Variants in PALM2AKAP2 observed in about 807,000 individuals in gnomAD.
The protein encoded by PALM2AKAP2 is PALM2 and AKAP2 fusion, also known as PALM2-AKAP2 fusion protein.
In PALM2AKAP2, 37 loss-of-function variants were observed where a neutral mutation model predicts 71.5. That is an observed-to-expected ratio of 0.52 (90% CI 0.40 to 0.68). The LOEUF is 0.68. PALM2AKAP2 is among the 30% of genes least tolerant of loss of function. The probability of loss-of-function intolerance (pLI) is 0.00; values close to 1 mark genes in which losing one functional copy is unlikely to be tolerated. For synonymous variants in PALM2AKAP2, 468 were observed against 478.8 expected (o/e 0.98, Z 0.29); for missense variants, 1,224 against 1,191.8 (o/e 1.03, Z -0.40).
intron 1 of PALM2AKAP2, among the ~76,000 whole-genome samples, chr9:109,854,500 T>C (rs1009153721): frequency 2.4e-4 from 37 of 152,136 alleles, no homozygotes; most frequent in Admixed American, 1.5e-3. Context: ...GTATATTACA[T>C]TTTCCATGTT....
chr9:109,745,357 T>A (rs942647903), intron 1 of PALM2AKAP2, among the ~76,000 whole-genome samples: 1 of 151,172 alleles, frequency 6.6e-6, no homozygotes, highest in African/African-American at 2.4e-5. Context: ...GTCTCAAAAA[T>A]AAAAAAAAAT....
intron 3 of PALM2AKAP2, among the ~76,000 whole-genome samples, chr9:109,884,001 G>A (rs1316721548): frequency 6.6e-6 from 1 of 152,194 alleles, no homozygotes; most frequent in African/African-American, 2.4e-5. Flanking sequence ...CAAAACCAAG[G>A]GAAGAGACAG....
chr9:110,042,145 G>A (rs1833519608), intron 7 of PALM2AKAP2, among the ~76,000 whole-genome samples: 1 of 152,190 alleles, frequency 6.6e-6, no homozygotes, highest in Admixed American at 6.5e-5. Context: ...AGTCTATGGG[G>A]GCCGGATGCG....
chr9:110,088,703 G>GTTTTTTTGT (rs1834629219), intron 1 of PALM2AKAP2, among the ~76,000 whole-genome samples: 2 of 75,574 alleles, frequency 2.6e-5, no homozygotes, highest in African/African-American at 4.0e-5. Context: ...GCATTTACGT[G>GTTTTTTTGT]TTTTTTTTTT....
intron 1 of PALM2AKAP2, among the ~76,000 whole-genome samples, chr9:109,768,486 G>A (rs1266535029): frequency 6.6e-6 from 1 of 152,188 alleles, no homozygotes; most frequent in African/African-American, 2.4e-5. Context: ...AGCACCTCAA[G>A]CTTTTATGAT....
rs1588053345 is a variant in PALM2AKAP2, at chr9:110,003,338, G to A, written c.497-12616G>A. 3.3e-5 allele frequency among the ~76,000 whole-genome samples: 5 copies of A among 152,142 alleles called. No homozygotes were observed. In the South Asian group the frequency reaches 1.0e-3, roughly 32 times the overall value. On this transcript the variant is annotated intron_variant, in intron 6 of 9. Coordinates refer to the PALM2AKAP2 transcript ENST00000302798. ...TTGTTCAGTTTCCATGTTGTTATGC[G>A]GTTTTGAGTGAGTTTCTTCATCCTG...
chr9:109,914,973 G>A (rs935636361), intron 3 of PALM2AKAP2, among the ~76,000 whole-genome samples: 1 of 152,080 alleles, frequency 6.6e-6, no homozygotes, highest in East Asian at 1.9e-4. Flanking sequence ...TTTCCCCTTG[G>A]TTTTTCTACT....
intron 1 of PALM2AKAP2, among the ~76,000 whole-genome samples, chr9:109,697,708 A>G (rs776181474): frequency 3.9e-5 from 6 of 152,202 alleles, no homozygotes; most frequent in Non-Finnish European, 7.3e-5. Context: ...AGGGTGCAAA[A>G]AAACTATCTC....
rs911732251 is a variant in PALM2AKAP2, at chr9:109,849,190, A to G, written c.46-18301A>G. Among the ~76,000 whole-genome samples, 4 of 152,206 alleles carry G rather than the reference A, an allele frequency of 2.6e-5. No homozygotes were observed. In the South Asian group the frequency reaches 8.3e-4, roughly 32 times the overall value. On this transcript the variant is annotated intron_variant, in intron 1 of 9. Coordinates refer to the PALM2AKAP2 transcript ENST00000302798. ...CTGTAATGCCCAGTATCTAGTGATT[A>G]CCTGTGGCACTGTCAGCCTTCTGCC... is the stretch of plus-strand genomic sequence containing the variant.
chr9:109,908,837 C>T (rs886451144), intron 3 of PALM2AKAP2, among the ~76,000 whole-genome samples: 1 of 133,666 alleles, frequency 7.5e-6, no homozygotes, highest in Admixed American at 7.5e-5. Context: ...CACACACACA[C>T]AGAGGCCGAT....
intron 1 of PALM2AKAP2, among the ~76,000 whole-genome samples, chr9:109,718,431 C>G (rs1828360471): frequency 1.3e-5 from 2 of 152,142 alleles, no homozygotes; most frequent in Admixed American, 6.6e-5. Flanking sequence ...ATGTAATTAT[C>G]AACTTCTATA....
At chr9:109,789,930 C>T (rs1313464828) in intron 1 of PALM2AKAP2, among the ~76,000 whole-genome samples, 3 of 152,000 alleles carry the variant, frequency 2.0e-5, no homozygotes, top group East Asian at 1.9e-4. Flanking sequence ...GACACAGAGA[C>T]AAGACTACAC....
chr9:110,021,958 A>G (rs1373655037), intron 7 of PALM2AKAP2, among the ~76,000 whole-genome samples: 2 of 152,118 alleles, frequency 1.3e-5, no homozygotes, highest in Non-Finnish European at 2.9e-5. Context: ...CACACCACTA[A>G]TGCAGTCTGG....
intron 1 of PALM2AKAP2, among the ~76,000 whole-genome samples, chr9:109,746,182 G>A (rs780570046): frequency 2.0e-5 from 3 of 152,210 alleles, no homozygotes; most frequent in Non-Finnish European, 4.4e-5. Context: ...ACAGCCAGCA[G>A]GGAACAGATG....
chr9:109,784,502 G>C (rs994095217), intron 1 of PALM2AKAP2, among the ~76,000 whole-genome samples: 1 of 152,210 alleles, frequency 6.6e-6, no homozygotes, highest in Non-Finnish European at 1.5e-5. Flanking sequence ...TTTAGTGTGA[G>C]AAAGGGAAAG....
intron 1 of PALM2AKAP2, among the ~76,000 whole-genome samples, chr9:109,804,114 C>G (rs919826703): frequency 1.3e-5 from 2 of 152,192 alleles, no homozygotes; most frequent in African/African-American, 2.4e-5. Flanking sequence ...CAGGATGCAG[C>G]CAAGTTTCCT....
intron 1 of PALM2AKAP2, among the ~76,000 whole-genome samples, chr9:110,074,648 C>T (rs1225903124): frequency 6.6e-6 from 1 of 152,188 alleles, no homozygotes; most frequent in African/African-American, 2.4e-5. Flanking sequence ...TATAAACACA[C>T]ACACGCACAT....
At chr9:109,647,204 A>G (rs983783510) in intron 1 of PALM2AKAP2, among the ~76,000 whole-genome samples, 9 of 152,298 alleles carry the variant, frequency 5.9e-5, no homozygotes, top group Non-Finnish European at 1.3e-4. Context: ...TCCACTTCAT[A>G]TTATATTCTA....
At chr9:109,812,857 C>A (rs1488553696) in intron 1 of PALM2AKAP2, among the ~76,000 whole-genome samples, 1 of 152,154 alleles carries the variant, frequency 6.6e-6, no homozygotes, top group African/African-American at 2.4e-5. Context: ...TCACCTCATC[C>A]TTGATATGGA....
Sources: allele counts gnomAD v4.1 joint callset (sites outside exome capture counted in the v4.1 genomes callset), GRCh38; gene constraint gnomAD v4.1.1; transcripts MANE v1.5; gene names NCBI Gene and HGNC (gene_info 2026-07-23, HGNC 2026-07-21).